The following GRIN2B variants were observed in gnomAD, a reference collection of about 807,000 sequenced individuals.
GRIN2B encodes the protein glutamate receptor ionotropic, NMDA 2B.
A neutral mutation model predicts 114.5 loss-of-function variants in GRIN2B; 5 were observed. That is an observed-to-expected ratio of 0.04 (90% CI 0.02 to 0.09). The LOEUF (loss-of-function observed/expected upper bound fraction) is 0.09. Among genes scored for constraint, GRIN2B ranks in the 10% least tolerant of loss-of-function variants. The pLI is 1.00. For synonymous variants in GRIN2B, 787 were observed against 745.1 expected, an observed-to-expected ratio of 1.06 and a Z score of -0.92; for missense variants, 1,108 against 1,943.5, an observed-to-expected ratio of 0.57 and a Z score of 8.08.
At chr12:13,580,197 A>C (rs1304040526) in intron 10 of GRIN2B, among the ~76,000 whole-genome samples, 1 of 152,226 alleles carries the variant, frequency 6.6e-6, no homozygotes, top group Admixed American at 6.5e-5. Flanking sequence ...TCAGAGTCAG[A>C]TCCGGTGAAT....
intron 2 of GRIN2B, among the ~76,000 whole-genome samples, chr12:13,877,543 T>G (rs1336278160): frequency 6.6e-6 from 1 of 152,248 alleles, no homozygotes; most frequent in Non-Finnish European, 1.5e-5. Context: ...TCTTTAGTTG[T>G]TCTTGCCTTC....
At position 13,565,838 on chromosome 12, in the gene GRIN2B, A is replaced by G. The variant is rs111471643; in HGVS notation, c.2598+1187T>C. On this transcript the variant is annotated intron_variant, in intron 13 of 13. Coordinates refer to ENST00000609686, the MANE Select transcript of GRIN2B (RefSeq NM_000834.5). ...CATTGTCTCACAGGGCATCAGCAAG[A>G]TGGAAGATCTTCAAGGTAAGGTTAT... is the stretch of plus-strand genomic sequence containing the variant. Among the ~76,000 whole-genome samples the G allele has an allele frequency of 9.2e-5, 14 of 152,336 alleles. 1 individual carries two copies. Among genetic ancestry groups the G allele is most frequent in the African/African-American group, 2.9e-4 (12 of 41,578 alleles).
At chr12:13,599,745 A>G in intron 10 of GRIN2B, among the ~76,000 whole-genome samples, 1 of 152,250 alleles carries the variant, frequency 6.6e-6, no homozygotes, top group East Asian at 1.9e-4. Context: ...CTCTTATAGA[A>G]ACAGAGACTA....
At chr12:13,762,749 G>A (rs1863702870) in intron 3 of GRIN2B, among the ~76,000 whole-genome samples, 1 of 152,192 alleles carries the variant, frequency 6.6e-6, no homozygotes, top group African/African-American at 2.4e-5. Flanking sequence ...TTCTGTCCCA[G>A]CTCCATATGG....
Position 13,866,085 on chromosome 12 carries a change from C to T in GRIN2B, c.124G>A (p.Val42Met). 6.2e-7 allele frequency: 1 copy of T among 1,614,062 alleles called. No individual in the cohort carries two copies. Among genetic ancestry groups the T allele is most frequent in the Non-Finnish European group, 8.5e-7 (1 of 1,180,008 alleles). ...PPSIGIAVIL[V>M]GTSDEVAIKD... ...ATGGCCACCTCGTCGGAAGTGCCCACGAGGATGACAGCAATGCCAATGCTG... is the reference window on the plus strand; with the variant it reads ...ATGGCCACCTCGTCGGAAGTGCCCATGAGGATGACAGCAATGCCAATGCTG... Residue 42 changes from valine to methionine, a missense_variant, in exon 3 of 14, where the codon GTG becomes ATG. By Grantham distance (21) the Val-to-Met change is conservative (BLOSUM62 1). Coordinates refer to ENST00000609686, the MANE Select transcript of GRIN2B (RefSeq NM_000834.5).
At position 13,564,729 on chromosome 12, in the gene GRIN2B, G is replaced by A; in HGVS notation, c.2599-90C>T. The A allele has an allele frequency of 2.6e-6, 3 of 1,143,502 alleles. No individual in the cohort carries two copies. The highest frequency in any genetic ancestry group is 2.5e-5 in the South Asian group (2 of 81,212). The allele number at this position is 1,143,502 out of a possible 1,614,324, so 70.8% of individuals were successfully genotyped here. On this transcript the variant is annotated intron_variant, in intron 13 of 13. Coordinates refer to ENST00000609686, the MANE Select transcript of GRIN2B (RefSeq NM_000834.5). The surrounding 1 kb of genome is among the most constrained non-coding windows in gnomAD (Gnocchi z 4.8). The stretch of plus-strand genomic sequence containing the variant: ...TCTCCCACCAATAATTGCTCCAACT[G>A]GATAAGAAAAAGGGAAAGCATGAAG...
chr12:13,646,773 C>T (rs1363466044), intron 5 of GRIN2B, among the ~76,000 whole-genome samples: 2 of 152,080 alleles, frequency 1.3e-5, no homozygotes, highest in African/African-American at 4.8e-5. Context: ...AGACTATCCT[C>T]CTGCCTCAGC....
At chr12:13,879,314 A>G (rs1165206576) in intron 2 of GRIN2B, among the ~76,000 whole-genome samples, 1 of 152,178 alleles carries the variant, frequency 6.6e-6, no homozygotes, top group Non-Finnish European at 1.5e-5. Context: ...GTTGTAACAC[A>G]GTGGTAAGGA....
intron 3 of GRIN2B, among the ~76,000 whole-genome samples, chr12:13,814,839 C>T (rs1378660918): frequency 6.6e-6 from 1 of 152,180 alleles, no homozygotes; most frequent in South Asian, 2.1e-4. Flanking sequence ...CTAGTGGCTA[C>T]TGTACTGGTC....
At chr12:13,854,046 A>C (rs1250178954) in intron 3 of GRIN2B, among the ~76,000 whole-genome samples, 2 of 152,188 alleles carry the variant, frequency 1.3e-5, no homozygotes, top group Admixed American at 1.3e-4. Context: ...AATGAAAAGA[A>C]ATAAAGGGAA....
chr12:13,742,514 T>G (rs1458548043), intron 4 of GRIN2B, among the ~76,000 whole-genome samples: 1 of 152,148 alleles, frequency 6.6e-6, no homozygotes, highest in African/African-American at 2.4e-5. Flanking sequence ...CACTGAAACC[T>G]CCACCTCCCA....
intron 4 of GRIN2B, among the ~76,000 whole-genome samples, chr12:13,683,379 G>A (rs2192970): frequency 0.15 from 23,247 of 152,112 alleles, 2,100 homozygotes; most frequent in Middle Eastern, 0.21. Flanking sequence ...CTTAAACAGT[G>A]TAATAGTCAC....
rs1385282412 is a variant in GRIN2B at position 13,563,779 on chromosome 12, G to A, written c.3459C>T (p.Asp1153=). ...AGTCATCACTCCGCTCCTTGTAGATGTCGGTCAGGTCTACGTGCTCCCAGT... is the reference window on the plus strand; with the variant it reads ...AGTCATCACTCCGCTCCTTGTAGATATCGGTCAGGTCTACGTGCTCCCAGT... ...SPHWEHVDLT[D]IYKERSDDFK... The change falls in exon 14 of 14, where the codon GAC becomes GAT. Residue 1153 remains aspartate, a synonymous_variant. Coordinates refer to ENST00000609686, the MANE Select transcript of GRIN2B (RefSeq NM_000834.5). 1 of 1,612,876 alleles carries A rather than the reference G, an allele frequency of 6.2e-7. No individual in the cohort carries two copies. The highest frequency in any genetic ancestry group is 8.5e-7 in the Non-Finnish European group (1 of 1,179,650).
At chr12:13,738,006 A>C (rs540261373) in intron 4 of GRIN2B, among the ~76,000 whole-genome samples, 8 of 152,314 alleles carry the variant, frequency 5.3e-5, no homozygotes, top group Non-Finnish European at 1.2e-4. Context: ...TCAGAACCAC[A>C]AAAATGCCAC....
At position 13,560,075 on chromosome 12, in the gene GRIN2B, G is replaced by C. The variant is rs569781596; in HGVS notation, c.*2708C>G. The C allele has an allele frequency of 1.8e-4, 28 of 152,272 alleles. No homozygotes were observed. Among genetic ancestry groups the C allele is most frequent in the African/African-American group, 6.5e-4 (27 of 41,538 alleles). 9.4% of individuals were successfully genotyped at this position (152,272 alleles called of 1,614,324 possible). A position where few individuals can be genotyped will look rare whatever the true frequency, so the allele number is the denominator to read the frequency against. On this transcript the variant is annotated 3_prime_UTR_variant, in exon 14 of 14. Coordinates refer to ENST00000609686, the MANE Select transcript of GRIN2B (RefSeq NM_000834.5). ...AAGATAGGAGTCAGACCTGGGGTTT[G>C]CTTAGAGCCAAATTGAACCCTATGT...
At chr12:13,727,602 G>A (rs181631576) in intron 4 of GRIN2B, among the ~76,000 whole-genome samples, 18 of 152,196 alleles carry the variant, frequency 1.2e-4, no homozygotes, top group South Asian at 2.1e-4. Context: ...TATAAATCCC[G>A]TTATTACAAC....
chr12:13,830,850 A>C (rs1865132112), intron 3 of GRIN2B, among the ~76,000 whole-genome samples: 1 of 152,262 alleles, frequency 6.6e-6, no homozygotes, highest in Non-Finnish European at 1.5e-5. Context: ...CATCGTGGTC[A>C]TCTGCCCTGC....
intron 2 of GRIN2B, among the ~76,000 whole-genome samples, chr12:13,892,627 G>A (rs748334264): frequency 2.0e-5 from 3 of 152,190 alleles, no homozygotes; most frequent in African/African-American, 4.8e-5. Context: ...TTGCAGAAGT[G>A]GTGGAGGTGA....
chr12:13,958,871 A>AG (rs925256951), intron 2 of GRIN2B, among the ~76,000 whole-genome samples: 1 of 152,020 alleles, frequency 6.6e-6, no homozygotes, highest in Non-Finnish European at 1.5e-5. Context: ...GCTTTGAGAG[A>AG]GGGGAAAAAA....
Sources: allele counts gnomAD v4.1 joint callset (sites outside exome capture counted in the v4.1 genomes callset), GRCh38; gene constraint gnomAD v4.1.1; non-coding constraint Gnocchi (gnomAD v3.1); transcripts MANE v1.5; gene names NCBI Gene and HGNC (gene_info 2026-07-23, HGNC 2026-07-21).